Variants in XKR6 observed in about 807,000 individuals in gnomAD.
XKR6 encodes XK related 6.
A neutral mutation model predicts 56.7 loss-of-function variants in XKR6; 22 were observed. The ratio of observed to expected loss-of-function variants is 0.39; its 90% CI spans 0.28 to 0.55. The LOEUF (loss-of-function observed/expected upper bound fraction) is 0.55. Ranked by LOEUF, XKR6 falls within the 20% of genes least tolerant of loss-of-function variation. The pLI is 0.66. For synonymous variants in XKR6, 524 were observed against 387.8 expected, an observed-to-expected ratio of 1.35 and a Z score of -4.13; for missense variants, 852 against 889.0, an observed-to-expected ratio of 0.96 and a Z score of 0.53.
intron 1 of XKR6, among the ~76,000 whole-genome samples, chr8:11,018,528 T>C (rs940791388): frequency 1.3e-5 from 2 of 152,166 alleles, no homozygotes; most frequent in Non-Finnish European, 2.9e-5. Flanking sequence ...ACAAAGGACA[T>C]GAAGGCAAGA....
At chr8:11,122,342 A>T (rs570642627) in intron 1 of XKR6, among the ~76,000 whole-genome samples, 1 of 152,354 alleles carries the variant, frequency 6.6e-6, no homozygotes, top group Admixed American at 6.5e-5. Context: ...TACTTTACAG[A>T]TCTCATATTT....
chr8:11,048,765 G>A (rs1799471906), intron 1 of XKR6, among the ~76,000 whole-genome samples: 2 of 152,142 alleles, frequency 1.3e-5, no homozygotes, highest in South Asian at 2.1e-4. Context: ...CAGACCTCCC[G>A]GTGGCTGATG....
At chr8:11,117,953 G>A (rs1263373589) in intron 1 of XKR6, among the ~76,000 whole-genome samples, 1 of 152,046 alleles carries the variant, frequency 6.6e-6, no homozygotes, top group Non-Finnish European at 1.5e-5. Flanking sequence ...GAGTGACAGG[G>A]AATACCGAGA....
intron 1 of XKR6, among the ~76,000 whole-genome samples, chr8:11,176,804 TCTGG>T (rs1802679302): frequency 1.3e-5 from 2 of 152,086 alleles, no homozygotes; most frequent in South Asian, 4.1e-4. Flanking sequence ...GGAGACCTCC[TCTGG>T]CTGTCTTCCT....
chr8:11,143,776 A>T (rs1329536317), intron 1 of XKR6, among the ~76,000 whole-genome samples: 2 of 152,190 alleles, frequency 1.3e-5, no homozygotes, highest in Non-Finnish European at 2.9e-5. Flanking sequence ...CTTTACAATA[A>T]TCCGCTAAGC....
At chr8:11,166,195 A>T in intron 1 of XKR6, among the ~76,000 whole-genome samples, 1 of 152,164 alleles carries the variant, frequency 6.6e-6, no homozygotes, top group Non-Finnish European at 1.5e-5. Context: ...GAGGAAAAAG[A>T]CCATTGAACT....
intron 1 of XKR6, among the ~76,000 whole-genome samples, chr8:11,117,468 G>C (rs1799236555): frequency 6.6e-6 from 1 of 152,048 alleles, no homozygotes; most frequent in African/African-American, 2.4e-5. Flanking sequence ...CAGAATGTCT[G>C]AATGACGGCG....
At chr8:11,181,938 C>T (rs532639366) in intron 1 of XKR6, among the ~76,000 whole-genome samples, 92 of 152,242 alleles carry the variant, frequency 6.0e-4, no homozygotes, top group African/African-American at 2.1e-3. Flanking sequence ...CTGAAACCTC[C>T]GCCTTCCAGG....
chr8:11,195,707 G>A (rs1452624011), intron 1 of XKR6, among the ~76,000 whole-genome samples: 1 of 149,120 alleles, frequency 6.7e-6, no homozygotes, highest in Non-Finnish European at 1.5e-5. Flanking sequence ...GGAGTGCAGT[G>A]GCGCGAACTT....
chr8:11,055,986 C>G (rs913805339), intron 1 of XKR6, among the ~76,000 whole-genome samples: 1 of 152,190 alleles, frequency 6.6e-6, no homozygotes, highest in Admixed American at 6.5e-5. Flanking sequence ...GCCCCCTCCC[C>G]CTGCTTCCGG....
chr8:10,971,153 G>A (rs1802397209), intron 1 of XKR6, among the ~76,000 whole-genome samples: 1 of 151,696 alleles, frequency 6.6e-6, no homozygotes, highest in Non-Finnish European at 1.5e-5. Context: ...CGGGCACGGT[G>A]GCTCACGCCT....
chr8:11,120,739 A>T (rs1156687964), intron 1 of XKR6, among the ~76,000 whole-genome samples: 1 of 152,216 alleles, frequency 6.6e-6, no homozygotes, highest in Admixed American at 6.5e-5. Context: ...GTCAATCCTA[A>T]GCAAAAAGAA....
chr8:11,025,627 G>C (rs967116835), intron 1 of XKR6, among the ~76,000 whole-genome samples: 1 of 152,190 alleles, frequency 6.6e-6, no homozygotes, highest in Admixed American at 6.5e-5. Flanking sequence ...TAATTCCTGT[G>C]TTTGCATGGG....
At chr8:10,993,084 G>T (rs1171617166) in intron 1 of XKR6, among the ~76,000 whole-genome samples, 2 of 152,242 alleles carry the variant, frequency 1.3e-5, no homozygotes, top group Non-Finnish European at 2.9e-5. Context: ...ATATGTGTGT[G>T]TATCTACATT....
At chr8:11,005,730 C>G (rs550110394) in intron 1 of XKR6, among the ~76,000 whole-genome samples, 1 of 152,084 alleles carries the variant, frequency 6.6e-6, no homozygotes, top group African/African-American at 2.4e-5. Context: ...CAAATTTAAA[C>G]AGTGGCTATC....
intron 2 of XKR6, 97 bp from the exon 3 acceptor site, chr8:10,899,013 G>A (rs1445192312): frequency 4.7e-6 from 7 of 1,479,518 alleles, no homozygotes; most frequent in South Asian, 1.4e-5. Context: ...CATACACCAC[G>A]ATCTAAAGGA....
intron 1 of XKR6, among the ~76,000 whole-genome samples, chr8:11,182,444 G>A (rs1803039314): frequency 6.6e-6 from 1 of 152,224 alleles, no homozygotes; most frequent in African/African-American, 2.4e-5. Flanking sequence ...CTGTAGAAGT[G>A]CAAGTAATCA....
At chr8:11,088,034 G>A (rs1797949762) in intron 1 of XKR6, among the ~76,000 whole-genome samples, 1 of 152,162 alleles carries the variant, frequency 6.6e-6, no homozygotes, top group South Asian at 2.1e-4. Context: ...TGTTTTCCAG[G>A]AATGTAGTAG....
At chr8:11,174,292 A>G (rs957690086) in intron 1 of XKR6, among the ~76,000 whole-genome samples, 1 of 152,232 alleles carries the variant, frequency 6.6e-6, no homozygotes, top group Non-Finnish European at 1.5e-5. Flanking sequence ...TCTCTTCCAG[A>G]TGGCAAGCGA....
Sources: allele counts gnomAD v4.1 joint callset (sites outside exome capture counted in the v4.1 genomes callset), GRCh38; gene constraint gnomAD v4.1.1; transcripts MANE v1.5; gene names NCBI Gene and HGNC (gene_info 2026-07-23, HGNC 2026-07-21).